The following LRP6 variants were observed in gnomAD, a reference collection of about 807,000 sequenced individuals.
The protein encoded by LRP6 is low-density lipoprotein receptor-related protein 6.
A neutral mutation model predicts 184.1 loss-of-function variants in LRP6; 43 were observed. That is an observed-to-expected ratio of 0.23 (90% CI 0.18 to 0.30). The LOEUF (loss-of-function observed/expected upper bound fraction) is 0.30. Among genes scored for constraint, LRP6 ranks in the 10% least tolerant of loss-of-function variants. LRP6 has a pLI of 1.00. For synonymous variants in LRP6, 719 were observed against 684.9 expected (o/e 1.05, Z -0.78); for missense variants, 1,571 against 2,005.3 (o/e 0.78, Z 4.14).
intron 1 of LRP6, among the ~76,000 whole-genome samples, chr12:12,263,061 C>A (rs1285852973): frequency 6.8e-6 from 1 of 146,158 alleles, no homozygotes; most frequent in Non-Finnish European, 1.5e-5. Context: ...CGAGACCAGC[C>A]TGACCAACAA....
chr12:12,265,815 A>G (rs1481682551), intron 1 of LRP6, among the ~76,000 whole-genome samples: 1 of 152,204 alleles, frequency 6.6e-6, no homozygotes. Flanking sequence ...TTGCAGTCCA[A>G]TTCAAAACAT....
At chr12:12,196,798 C>T (rs1164129980) in intron 3 of LRP6, among the ~76,000 whole-genome samples, 1 of 152,096 alleles carries the variant, frequency 6.6e-6, no homozygotes, top group African/African-American at 2.4e-5. Context: ...ATGAATTGAT[C>T]CCTTTGACAA....
chr12:12,121,052 C>A lies in LRP6; in HGVS notation c.*74G>T. On this transcript the variant is annotated 3_prime_UTR_variant, in exon 23 of 23. Transcript: ENST00000261349. Reference sequence around the variant, plus strand: ...CTCATCCTTCTCTAATAGCTCCCTCCCCCCCTCCAGATCTCAACCAAATTT... The same window carrying A: ...CTCATCCTTCTCTAATAGCTCCCTCACCCCCTCCAGATCTCAACCAAATTT... 1 of 1,360,124 alleles carries A rather than the reference C, an allele frequency of 7.4e-7. No homozygotes were observed. The highest frequency in any genetic ancestry group is 9.9e-7 in the Non-Finnish European group (1 of 1,006,864). 84.3% of individuals were successfully genotyped at this position (1,360,124 alleles called of 1,614,324 possible).
chr12:12,224,045 T>C lies in LRP6; in HGVS notation c.449+20217A>G, dbSNP rs528942437. Among the ~76,000 whole-genome samples the C allele has an allele frequency of 3.9e-4, 59 of 152,342 alleles. No homozygotes were observed. The East Asian group carries it at 0.011, about 27-fold the overall frequency. ...TTTGCCTTTAGTATTACAGGCACTA[T>C]GCATCTCCAAAATTAATTAGATCAA... On this transcript the variant is annotated intron_variant, in intron 2 of 22. Transcript: ENST00000261349.
At chr12:12,134,766 T>C (rs1440031226) in intron 17 of LRP6, among the ~76,000 whole-genome samples, 2 of 152,134 alleles carry the variant, frequency 1.3e-5, no homozygotes, top group African/African-American at 4.8e-5. Flanking sequence ...GCTACTTTAA[T>C]ATTAGGAAGC....
intron 15 of LRP6, among the ~76,000 whole-genome samples, chr12:12,146,684 TG>T (rs745493729): frequency 3.2e-4 from 48 of 152,346 alleles, no homozygotes; most frequent in Non-Finnish European, 3.1e-4. Context: ...GAAACTACCC[TG>T]AAGATTTTTT....
At chr12:12,240,348 C>G (rs1454508432) in intron 2 of LRP6, among the ~76,000 whole-genome samples, 2 of 152,044 alleles carry the variant, frequency 1.3e-5, no homozygotes, top group African/African-American at 4.8e-5. Context: ...CCGAGGCGGG[C>G]AGATCATGAG....
intron 12 of LRP6, 25 bp from the exon 13 acceptor site, chr12:12,151,063 C>G (rs370424962): frequency 5.0e-6 from 8 of 1,584,332 alleles, no homozygotes; most frequent in African/African-American, 2.7e-5. Context: ...AAGAGAAAAT[C>G]TGAAATCTAG....
At chr12:12,139,598 C>T (rs1280282581) in intron 15 of LRP6, among the ~76,000 whole-genome samples, 2 of 152,082 alleles carry the variant, frequency 1.3e-5, no homozygotes, top group Non-Finnish European at 2.9e-5. Context: ...GTGGCATGCG[C>T]CTGTAGTCCA....
At chr12:12,212,824 T>C (rs1864246430) in intron 2 of LRP6, among the ~76,000 whole-genome samples, 1 of 152,186 alleles carries the variant, frequency 6.6e-6, no homozygotes, top group Non-Finnish European at 1.5e-5. Context: ...AATAAATACA[T>C]CAAAATTAGT....
Position 12,148,386 on chromosome 12 carries a change from G to A in LRP6, c.3206+556C>T, listed in dbSNP as rs148686399. Among the ~76,000 whole-genome samples the A allele has an allele frequency of 2.6e-5, 4 of 151,946 alleles. 1 individual carries two copies. Among genetic ancestry groups the A allele is most frequent in the African/African-American group, 9.7e-5 (4 of 41,446 alleles). Reference sequence around the variant, plus strand: ...AGATTTCATCCTTTTCCTCTCTTTTGAAGTAAGCTACTTTACTTGCTGAAT... The same window carrying A: ...AGATTTCATCCTTTTCCTCTCTTTTAAAGTAAGCTACTTTACTTGCTGAAT... On this transcript the variant is annotated intron_variant, in intron 14 of 22. Coordinates refer to ENST00000261349, the MANE Select transcript of LRP6 (RefSeq NM_002336.3).
intron 22 of LRP6, among the ~76,000 whole-genome samples, chr12:12,122,541 C>A (rs1949619101): frequency 1.3e-5 from 2 of 152,138 alleles, no homozygotes; most frequent in Non-Finnish European, 2.9e-5. Context: ...CCAGATTGTT[C>A]ACAGTCACAG....
chr12:12,256,295 A>G (rs1465877598), intron 1 of LRP6, among the ~76,000 whole-genome samples: 2 of 152,244 alleles, frequency 1.3e-5, no homozygotes, highest in Non-Finnish European at 2.9e-5. Flanking sequence ...GCGGTGGCTC[A>G]TGCCTGTAAT....
Position 12,135,361 on chromosome 12 carries a change from AGAG to A in LRP6, c.3608-64_3608-62del. On this transcript the variant is annotated intron_variant, in intron 16 of 22. Transcript: ENST00000261349. ...GGGAGTGGAGGGGGAGAGAAGTGGG[AGAG>A]AAGAGAAAAAGGGACAACCCTGTCA... 5.8e-6 allele frequency: 7 copies of A among 1,201,490 alleles called. No individual in the cohort carries two copies. The South Asian group carries it at 8.6e-5, about 15-fold the overall frequency. The allele number at this position is 1,201,490 out of a possible 1,614,324, so 74.4% of individuals were successfully genotyped here.
rs200649441 is a variant in LRP6 at position 12,121,400 on chromosome 12, C to T, written c.4568G>A (p.Arg1523Gln). Residue 1523 changes from arginine to glutamine, a missense_variant, in exon 23 of 23, where the codon CGG (arginine) becomes CAG (glutamine). This residue lies in a region of LRP6 where 763 missense variants were observed against 859.5 expected (regional missense o/e 0.89). Coordinates refer to ENST00000261349, the MANE Select transcript of LRP6 (RefSeq NM_002336.3). ...GGGTGTGGTGGGGGGTGCAAAGTGCCGGTAGCTATATGGCCTGTAGCTGGT... is the reference window on the plus strand; with the variant it reads ...GGGTGTGGTGGGGGGTGCAAAGTGCTGGTAGCTATATGGCCTGTAGCTGGT... ...RSYSYRPYSY[R>Q]HFAPPTTPCS... is the part of the protein sequence containing the mutation. 116 of 1,613,676 alleles carry T rather than the reference C, an allele frequency of 7.2e-5. 1 individual carries two copies. The East Asian group carries it at 2.1e-3, about 30-fold the overall frequency.
At chr12:12,253,685 G>A (rs182710207) in intron 1 of LRP6, among the ~76,000 whole-genome samples, 24 of 150,176 alleles carry the variant, frequency 1.6e-4, no homozygotes, top group Admixed American at 6.1e-4. Flanking sequence ...TTGGTTTTTC[G>A]TCCTTGCAAT....
intron 14 of LRP6, 94 bp from the exon 15 acceptor site, chr12:12,147,650 T>A: frequency 2.8e-6 from 3 of 1,067,060 alleles, no homozygotes; most frequent in Non-Finnish European, 4.3e-6. Context: ...TAGAGTATTT[T>A]TAAGTATTGT....
chr12:12,258,191 A>T lies in LRP6; in HGVS notation c.55+8490T>A, dbSNP rs542360119. Among the ~76,000 whole-genome samples the T allele has an allele frequency of 7.9e-5, 12 of 152,254 alleles. No individual in the cohort carries two copies. In the East Asian group the frequency reaches 2.3e-3, roughly 29 times the overall value. ...GAGTGCAGTGGCATGATCATGGCTC[A>T]CTGTAGCCTTGAGTTCCTGGGCTCA... On this transcript the variant is annotated intron_variant, in intron 1 of 22. Coordinates refer to ENST00000261349, the MANE Select transcript of LRP6 (RefSeq NM_002336.3).
chr12:12,249,537 A>G, intron 1 of LRP6: 1 of 553,256 alleles, frequency 1.8e-6, no homozygotes, highest in Non-Finnish European at 3.2e-6. Flanking sequence ...CATTTTCCAC[A>G]GCAGCAAATT....
Sources: gnomAD v4.1 joint callset for allele counts (sites outside exome capture counted in the v4.1 genomes callset) on GRCh38, gnomAD v4.1.1 for gene constraint, gnomAD v4.1.1 regional missense constraint, MANE v1.5 for transcripts, NCBI Gene and HGNC (gene_info 2026-07-23, HGNC 2026-07-21) for gene names.